BTBD8: variants seen among roughly 807,000 people sequenced by gnomAD.
BTBD8 encodes the protein BTB domain containing 8.
In BTBD8, 110 loss-of-function variants were observed where a neutral mutation model predicts 162.9. The ratio of observed to expected loss-of-function variants is 0.68; its 90% CI spans 0.58 to 0.79. The LOEUF (loss-of-function observed/expected upper bound fraction) is 0.79. Among genes scored for constraint, BTBD8 ranks in the 30% least tolerant of loss-of-function variants. BTBD8 has a pLI of 0.00. For synonymous variants in BTBD8, 667 were observed against 716.1 expected (o/e 0.93, Z 1.10); for missense variants, 1,905 against 2,085.4 (o/e 0.91, Z 1.68).
intron 5 of BTBD8, among the ~76,000 whole-genome samples, chr1:92,131,261 C>A (rs1199288223): frequency 1.3e-5 from 2 of 152,154 alleles, no homozygotes; most frequent in African/African-American, 4.8e-5. Context: ...TTCAACCTAA[C>A]TGAGAAATAA....
At chr1:92,120,005 A>G (rs1285946484) in intron 4 of BTBD8, among the ~76,000 whole-genome samples, 5 of 141,480 alleles carry the variant, frequency 3.5e-5, no homozygotes, top group Admixed American at 1.5e-4. Flanking sequence ...GGTTCAAGCA[A>G]TTCGCCTGCC....
chr1:92,133,902 G>A (rs903722124), intron 5 of BTBD8, among the ~76,000 whole-genome samples: 16 of 152,090 alleles, frequency 1.1e-4, no homozygotes, highest in East Asian at 1.9e-4. Flanking sequence ...CCCAGGAGGC[G>A]GAGCTTGCAG....
chr1:92,146,297 A>T (rs1020613358), intron 7 of BTBD8, among the ~76,000 whole-genome samples: 1 of 152,198 alleles, frequency 6.6e-6, no homozygotes, highest in African/African-American at 2.4e-5. Context: ...TTAAAAAAAA[A>T]CAAAACTTAG....
Position 92,181,572 on chromosome 1 carries a change from C to T in BTBD8, c.3889C>T (p.Leu1297Phe). 1.3e-6 allele frequency: 2 copies of T among 1,551,474 alleles called. No individual in the cohort carries two copies. Among genetic ancestry groups the T allele is most frequent in the Non-Finnish European group, 1.7e-6 (2 of 1,146,876 alleles). The change falls in exon 17 of 18, where the codon CTT (leucine) becomes TTT (phenylalanine). Residue 1297 changes from leucine (L) to phenylalanine (F), a missense_variant. Coordinates refer to ENST00000636805, the MANE Select transcript of BTBD8 (RefSeq NM_001376131.1). ...KCGTMLCHDF[L>F]GRSSSDTSTP... is the part of the protein sequence containing the mutation. ...TGGCACTATGCTGTGCCATGATTTT[C>T]TTGGAAGAAGTAGCAGTGATACCAG...
rs1557463120 is a variant in BTBD8, at chr1:92,168,921, A to G, written c.1499A>G (p.Gln500Arg). Residue 500 changes from glutamine to arginine, a missense_variant, in exon 12 of 18, where the codon CAG (glutamine) becomes CGG (arginine). Coordinates refer to ENST00000636805, the MANE Select transcript of BTBD8 (RefSeq NM_001376131.1). ...GATAAGCTGTGGATCTTCCTGGTTC[A>G]GTCTTTCTATGCTGTTCGTCACACA... ...LRDKLWIFLVQSFYAVRHTES... is the reference protein window; with the variant it reads ...LRDKLWIFLVRSFYAVRHTES... 1 of 1,544,816 alleles carries G rather than the reference A, an allele frequency of 6.5e-7. No individual in the cohort carries two copies. Among genetic ancestry groups the G allele is most frequent in the Non-Finnish European group, 8.8e-7 (1 of 1,141,774 alleles).
chr1:92,161,382 T>C (rs1650269410), intron 9 of BTBD8, among the ~76,000 whole-genome samples: 2 of 152,212 alleles, frequency 1.3e-5, no homozygotes, highest in Admixed American at 1.3e-4. Flanking sequence ...GCTGCTACAT[T>C]AGAGTATAAC....
At chr1:92,164,946 C>T (rs1248007828) in intron 9 of BTBD8, among the ~76,000 whole-genome samples, 1 of 151,746 alleles carries the variant, frequency 6.6e-6, no homozygotes, top group Non-Finnish European at 1.5e-5. Flanking sequence ...GCCACCTCAC[C>T]TGGCCAGTAC....
At chr1:92,088,327 A>T (rs1037921263) in intron 1 of BTBD8, among the ~76,000 whole-genome samples, 20 of 152,200 alleles carry the variant, frequency 1.3e-4, no homozygotes, top group African/African-American at 4.6e-4. Flanking sequence ...TAAATAATTA[A>T]TGATCATGTC....
rs1396278654 is a variant in BTBD8 at position 92,177,370 on chromosome 1, C to T, written c.2177C>T (p.Ser726Phe). 1.9e-6 allele frequency: 3 copies of T among 1,551,754 alleles called. No individual in the cohort carries two copies. Among genetic ancestry groups the T allele is most frequent in the East Asian group, 2.4e-5 (1 of 40,928 alleles). The change falls in exon 14 of 18, where the codon TCC (serine) becomes TTC (phenylalanine). Residue 726 changes from serine to phenylalanine, a missense_variant. Transcript: ENST00000636805. ...DSPCLSIAGP[S>F]SRSTDSSMEF... Reference sequence around the variant, plus strand: ...CCATGCCTCAGCATCGCAGGACCCTCCAGCAGATCCACAGATTCAAGTATG... The same window carrying T: ...CCATGCCTCAGCATCGCAGGACCCTTCAGCAGATCCACAGATTCAAGTATG...
At chr1:92,144,809 C>CA (rs1649869835) in intron 7 of BTBD8, among the ~76,000 whole-genome samples, 1 of 57,330 alleles carries the variant, frequency 1.7e-5, no homozygotes, top group South Asian at 7.3e-4. Flanking sequence ...AAAAAAAAAA[C>CA]TACACACACA....
intron 13 of BTBD8, among the ~76,000 whole-genome samples, chr1:92,176,070 A>G (rs1000389803): frequency 5.3e-5 from 8 of 152,100 alleles, no homozygotes; most frequent in African/African-American, 1.7e-4. Context: ...AGCTTTGCAG[A>G]TGTAGTGTAT....
chr1:92,091,006 C>T (rs926986943), intron 2 of BTBD8, among the ~76,000 whole-genome samples: 1 of 152,186 alleles, frequency 6.6e-6, no homozygotes, highest in Non-Finnish European at 1.5e-5. Context: ...GGTGTGATGG[C>T]TAAGAAACCA....
chr1:92,110,202 G>A (rs1226652493), intron 4 of BTBD8, among the ~76,000 whole-genome samples: 1 of 152,162 alleles, frequency 6.6e-6, no homozygotes, highest in African/African-American at 2.4e-5. Flanking sequence ...ACTTGCTTGT[G>A]GTGGCACAAC....
At chr1:92,130,284 C>G (rs1027164547) in intron 5 of BTBD8, among the ~76,000 whole-genome samples, 1 of 152,168 alleles carries the variant, frequency 6.6e-6, no homozygotes, top group Non-Finnish European at 1.5e-5. Context: ...TATGACCACA[C>G]TGGGGGTTAG....
Position 92,098,208 on chromosome 1 carries a change from G to C in BTBD8, c.348-4265G>C, listed in dbSNP as rs149621996. Among the ~76,000 whole-genome samples the C allele has an allele frequency of 2.2e-3, 338 of 152,234 alleles. 2 individuals are homozygous for C. The highest frequency in any genetic ancestry group is 0.01 in the Middle Eastern group (3 of 294). On this transcript the variant is annotated intron_variant, in intron 2 of 17. Transcript: ENST00000636805. ...AACAGCGCCCAAATCCATGTTTCCA[G>C]ATATCAGCCAAGGGCCAAGTTTATA...
chr1:92,100,027 C>T (rs1301477643), intron 2 of BTBD8, among the ~76,000 whole-genome samples: 1 of 152,104 alleles, frequency 6.6e-6, no homozygotes, highest in Non-Finnish European at 1.5e-5. Context: ...TGAGGACATT[C>T]TCTTTTATTC....
At chr1:92,089,538 A>T (rs1204179832) in intron 2 of BTBD8, among the ~76,000 whole-genome samples, 1 of 152,184 alleles carries the variant, frequency 6.6e-6, no homozygotes, top group Non-Finnish European at 1.5e-5. Context: ...ATAGAAATGT[A>T]TTGATCACAG....
At chr1:92,125,980 CA>C in intron 4 of BTBD8, 1 of 458,358 alleles carries the variant, frequency 2.2e-6, no homozygotes, top group Non-Finnish European at 4.4e-6. Flanking sequence ...AAAGCAAAGG[CA>C]AATGTGAAAT....
chr1:92,124,292 T>A (rs1415205093), intron 4 of BTBD8, among the ~76,000 whole-genome samples: 2 of 152,210 alleles, frequency 1.3e-5, no homozygotes, highest in Non-Finnish European at 2.9e-5. Flanking sequence ...ATATATATAT[T>A]TTGTCCATCT....
Sources: gnomAD v4.1 joint callset for allele counts (sites outside exome capture counted in the v4.1 genomes callset) on GRCh38, gnomAD v4.1.1 for gene constraint, MANE v1.5 for transcripts, NCBI Gene and HGNC (gene_info 2026-07-23, HGNC 2026-07-21) for gene names.